Variants in ERBB4 observed in about 807,000 individuals in gnomAD.
ERBB4 encodes the protein erb-b2 receptor tyrosine kinase 4.
ERBB4 carries 42 observed loss-of-function variants against 158.0 expected under a neutral mutation model. The observed-to-expected ratio is 0.27, with a 90% CI of 0.21 to 0.34. The LOEUF (loss-of-function observed/expected upper bound fraction) is 0.34, where lower values mean the gene tolerates loss of function less well. Ranked by LOEUF, ERBB4 falls within the 10% of genes least tolerant of loss-of-function variation. The probability of loss-of-function intolerance (pLI) is 1.00; values close to 1 mark genes in which losing one functional copy is unlikely to be tolerated. For synonymous variants in ERBB4, 583 were observed against 558.7 expected, an observed-to-expected ratio of 1.04 and a Z score of -0.61; for missense variants, 1,333 against 1,624.1, an observed-to-expected ratio of 0.82 and a Z score of 3.08.
At chr2:211,672,950 T>C (rs1354886420) in intron 14 of ERBB4, among the ~76,000 whole-genome samples, 2 of 152,214 alleles carry the variant, frequency 1.3e-5, no homozygotes. Flanking sequence ...TTAACTATTT[T>C]ATATTTTATC....
intron 1 of ERBB4, among the ~76,000 whole-genome samples, chr2:212,363,973 A>G (rs1279052673): frequency 6.6e-6 from 1 of 151,806 alleles, no homozygotes; most frequent in Non-Finnish European, 1.5e-5. Context: ...GTTGAATATA[A>G]TAAGAACTGT....
chr2:211,797,169 C>T (rs1281154420), intron 3 of ERBB4, among the ~76,000 whole-genome samples: 1 of 151,810 alleles, frequency 6.6e-6, no homozygotes, highest in East Asian at 1.9e-4. Flanking sequence ...TCATTACAGA[C>T]AACAATCCTC....
rs115524084 is a variant in ERBB4, at chr2:211,503,421, G to A, written c.2487+58482C>T. On this transcript the variant is annotated intron_variant, in intron 20 of 27. Coordinates refer to ENST00000342788, the MANE Select transcript of ERBB4 (RefSeq NM_005235.3). ...GAACCACATGTCCCCAGGCCCGCCA[G>A]TTTCTCCCAAGACTGCCAGCCTGGT... Among the ~76,000 whole-genome samples, 919 of 152,242 alleles carry A rather than the reference G, an allele frequency of 6.0e-3. 16 individuals carry two copies. The highest frequency in any genetic ancestry group is 0.021 in the African/African-American group (878 of 41,562).
At chr2:211,488,067 AT>A (rs144689609) in intron 20 of ERBB4, among the ~76,000 whole-genome samples, 15,787 of 147,550 alleles carry the variant, frequency 0.11, 980 homozygotes, top group African/African-American at 0.19. Context: ...GAAGAACCAC[AT>A]TTTTTTTTTT....
chr2:212,051,167 A>G (rs1274367520), intron 2 of ERBB4, among the ~76,000 whole-genome samples: 1 of 152,186 alleles, frequency 6.6e-6, no homozygotes, highest in Admixed American at 6.5e-5. Flanking sequence ...TAAGCTTTGA[A>G]AGGTAATATT....
At chr2:211,507,410 G>C (rs2065779026) in intron 20 of ERBB4, among the ~76,000 whole-genome samples, 1 of 152,060 alleles carries the variant, frequency 6.6e-6, no homozygotes, top group African/African-American at 2.4e-5. Context: ...ACAAGAAAAA[G>C]AGAAAACTAC....
chr2:212,002,243 C>G (rs1421586282), intron 2 of ERBB4, among the ~76,000 whole-genome samples: 1 of 152,262 alleles, frequency 6.6e-6, no homozygotes, highest in Non-Finnish European at 1.5e-5. Context: ...ATGGAATCAG[C>G]TCTAGTGAGA....
At chr2:211,416,943 T>C (rs2125394991) in intron 25 of ERBB4, among the ~76,000 whole-genome samples, 1 of 152,272 alleles carries the variant, frequency 6.6e-6, no homozygotes, top group East Asian at 1.9e-4. Flanking sequence ...TCTTTGCTTT[T>C]TTCGTTTGGT....
At chr2:211,591,619 G>C (rs2068467294) in intron 19 of ERBB4, among the ~76,000 whole-genome samples, 2 of 152,220 alleles carry the variant, frequency 1.3e-5, no homozygotes, top group African/African-American at 4.8e-5. Context: ...CCCACAGCAT[G>C]TAATAGGTAC....
At chr2:212,379,359 G>A (rs943871878) in intron 1 of ERBB4, among the ~76,000 whole-genome samples, 1 of 151,692 alleles carries the variant, frequency 6.6e-6, no homozygotes, top group Non-Finnish European at 1.5e-5. Flanking sequence ...AAAGAGCACA[G>A]CTATGTGAAG....
At chr2:212,419,375 A>C (rs2091739102) in intron 1 of ERBB4, among the ~76,000 whole-genome samples, 2 of 151,898 alleles carry the variant, frequency 1.3e-5, no homozygotes, top group Admixed American at 1.3e-4. Context: ...ACATCCATTA[A>C]ATTGTGTATG....
At chr2:211,671,884 T>C (rs997700730) in intron 14 of ERBB4, among the ~76,000 whole-genome samples, 1 of 152,200 alleles carries the variant, frequency 6.6e-6, no homozygotes, top group Non-Finnish European at 1.5e-5. Flanking sequence ...ATTGTATTTT[T>C]CATGACTGTC....
intron 3 of ERBB4, among the ~76,000 whole-genome samples, chr2:211,821,815 T>C (rs2077002106): frequency 6.6e-6 from 1 of 151,890 alleles, no homozygotes; most frequent in African/African-American, 2.4e-5. Context: ...TGCAGAAAAT[T>C]AAACTAGATC....
intron 20 of ERBB4, among the ~76,000 whole-genome samples, chr2:211,538,682 G>A (rs966868976): frequency 2.0e-5 from 3 of 151,792 alleles, no homozygotes; most frequent in African/African-American, 7.2e-5. Context: ...ATGTTACAGA[G>A]GTTCAAGCAT....
intron 1 of ERBB4, among the ~76,000 whole-genome samples, chr2:212,185,880 T>C (rs144902991): frequency 0.01 from 1,533 of 152,274 alleles, 31 homozygotes; most frequent in African/African-American, 0.033. Context: ...TTCAATATTA[T>C]AGAATTTTTT....
intron 1 of ERBB4, among the ~76,000 whole-genome samples, chr2:212,211,930 T>C (rs1342580845): frequency 1.4e-5 from 2 of 146,630 alleles, no homozygotes; most frequent in East Asian, 1.9e-4. Flanking sequence ...CCATGTTGTA[T>C]ATGTACCACA....
intron 19 of ERBB4, among the ~76,000 whole-genome samples, chr2:211,570,748 A>G (rs1159187806): frequency 6.6e-6 from 1 of 152,124 alleles, no homozygotes; most frequent in Non-Finnish European, 1.5e-5. Flanking sequence ...CCCTATCTGT[A>G]CATTAGGGAT....
intron 1 of ERBB4, among the ~76,000 whole-genome samples, chr2:212,166,289 T>G (rs2081344523): frequency 6.6e-6 from 1 of 152,134 alleles, no homozygotes; most frequent in Admixed American, 6.6e-5. Context: ...GATATGCTTC[T>G]TCTCACTACA....
chr2:212,227,960 G>A (rs1479692003), intron 1 of ERBB4, among the ~76,000 whole-genome samples: 3 of 152,168 alleles, frequency 2.0e-5, no homozygotes, highest in African/African-American at 7.2e-5. Flanking sequence ...GAGAACTCAT[G>A]GCTTTCTGCC....
Sources: allele counts gnomAD v4.1 joint callset (sites outside exome capture counted in the v4.1 genomes callset), GRCh38; gene constraint gnomAD v4.1.1; transcripts MANE v1.5; gene names NCBI Gene and HGNC (gene_info 2026-07-23, HGNC 2026-07-21).